The following TRAPPC9 variants were observed in gnomAD, a reference collection of about 807,000 sequenced individuals.
TRAPPC9 encodes trafficking protein particle complex subunit 9, also known as IKK2 binding protein.
TRAPPC9 carries 83 observed loss-of-function variants against 124.0 expected under a neutral mutation model. The observed-to-expected ratio is 0.67, with a 90% CI of 0.56 to 0.80. The LOEUF (loss-of-function observed/expected upper bound fraction) is 0.80. Ranked by LOEUF, TRAPPC9 falls within the 30% of genes least tolerant of loss-of-function variation. The probability of loss-of-function intolerance (pLI) is 0.00; values close to 1 mark genes in which losing one functional copy is unlikely to be tolerated. For missense variants in TRAPPC9, 1,302 were observed against 1,508.3 expected (o/e 0.86, Z 2.27); for synonymous variants, 638 against 617.5 (o/e 1.03, Z -0.49).
intron 19 of TRAPPC9, among the ~76,000 whole-genome samples, chr8:139,927,265 T>A (rs1046068756): frequency 2.0e-5 from 3 of 149,844 alleles, no homozygotes; most frequent in African/African-American, 4.9e-5. Flanking sequence ...TTTTTTTTTT[T>A]AGACAGTCTC....
At chr8:139,827,184 C>T (rs1368522168) in intron 21 of TRAPPC9, among the ~76,000 whole-genome samples, 2 of 152,244 alleles carry the variant, frequency 1.3e-5, no homozygotes, top group African/African-American at 4.8e-5. Flanking sequence ...GAAGCGCCTA[C>T]AGCAGGTCTC....
chr8:140,263,317 G>A (rs1362743706), intron 15 of TRAPPC9, among the ~76,000 whole-genome samples: 8 of 152,092 alleles, frequency 5.3e-5, no homozygotes, highest in Non-Finnish European at 7.4e-5. Flanking sequence ...TCAGAGCTCC[G>A]GGAGGACAGG....
intron 7 of TRAPPC9, among the ~76,000 whole-genome samples, chr8:140,395,271 G>T (rs1346019573): frequency 6.6e-6 from 1 of 152,248 alleles, no homozygotes; most frequent in South Asian, 2.1e-4. Flanking sequence ...CTCTGTTCTG[G>T]TCGCTCCCTT....
chr8:140,346,374 G>A (rs1298546915), intron 9 of TRAPPC9, among the ~76,000 whole-genome samples: 2 of 152,182 alleles, frequency 1.3e-5, no homozygotes, highest in East Asian at 3.9e-4. Flanking sequence ...CAGAAAGGAT[G>A]TAAAGGGAGC....
At chr8:139,895,594 T>G (rs2131183111) in intron 20 of TRAPPC9, among the ~76,000 whole-genome samples, 1 of 152,310 alleles carries the variant, frequency 6.6e-6, no homozygotes, top group South Asian at 2.1e-4. Flanking sequence ...TAAACAATAA[T>G]GTGCCCTTGG....
Position 139,730,896 on chromosome 8 carries a change from C to T in TRAPPC9, c.*165G>A, listed in dbSNP as rs117443048. The stretch of plus-strand genomic sequence containing the variant: ...TGCCATGTCCGGGGCTTCTGCGTAG[C>T]CCAGCAAAGATGCTACAGGAGGAAC... On this transcript the variant is annotated 3_prime_UTR_variant, in exon 23 of 23. Transcript: ENST00000438773. 3.9e-6 allele frequency: 3 copies of T among 771,216 alleles called. No homozygotes were observed. The highest frequency in any genetic ancestry group is 2.7e-5 in the East Asian group (1 of 37,176). 47.8% of individuals were successfully genotyped at this position (771,216 alleles called of 1,614,324 possible).
intron 21 of TRAPPC9, among the ~76,000 whole-genome samples, chr8:139,758,965 C>T (rs1238258368): frequency 6.6e-6 from 1 of 152,204 alleles, no homozygotes; most frequent in East Asian, 1.9e-4. Context: ...CAGCCCTGGC[C>T]TCCCTGGCAC....
chr8:140,026,893 G>A (rs1236773887), intron 17 of TRAPPC9, among the ~76,000 whole-genome samples: 5 of 151,864 alleles, frequency 3.3e-5, no homozygotes, highest in African/African-American at 4.8e-5. Flanking sequence ...AATATTCAAG[G>A]ATCATATTTT....
At chr8:140,244,840 C>T (rs2063942408) in intron 16 of TRAPPC9, among the ~76,000 whole-genome samples, 1 of 132,166 alleles carries the variant, frequency 7.6e-6, no homozygotes, top group Admixed American at 8.5e-5. Flanking sequence ...CAGAGTTTCG[C>T]TCTGACACCA....
chr8:140,420,845 T>C (rs1341236962), intron 5 of TRAPPC9, among the ~76,000 whole-genome samples: 2 of 152,186 alleles, frequency 1.3e-5, no homozygotes, highest in East Asian at 3.9e-4. Context: ...AACAAATTCA[T>C]TTTCAAAAGT....
At chr8:140,033,666 T>TC (rs1563706638) in intron 17 of TRAPPC9, among the ~76,000 whole-genome samples, 1 of 65,976 alleles carries the variant, frequency 1.5e-5, no homozygotes, top group Admixed American at 1.4e-4. Flanking sequence ...TGGTTTTTTT[T>TC]TTTTTTTTTT....
At chr8:140,288,960 G>A (rs1263174224) in intron 12 of TRAPPC9, among the ~76,000 whole-genome samples, 2 of 152,174 alleles carry the variant, frequency 1.3e-5, no homozygotes, top group Non-Finnish European at 2.9e-5. Flanking sequence ...ACAGGACTGA[G>A]CATCTAAGTA....
chr8:139,779,325 C>T lies in TRAPPC9; in HGVS notation c.3056-47123G>A, dbSNP rs184584187. Among the ~76,000 whole-genome samples, 342 of 152,254 alleles carry T rather than the reference C, an allele frequency of 2.2e-3. 2 individuals are homozygous for T. Among genetic ancestry groups the T allele is most frequent in the African/African-American group, 7.1e-3 (296 of 41,548 alleles). ...CAGAAATACAAAAGCAGAAGGCATT[C>T]AGCAGCAGCAGACTCGCATTATCAG... On this transcript the variant is annotated intron_variant, in intron 21 of 22. Coordinates refer to ENST00000438773, the MANE Select transcript of TRAPPC9 (RefSeq NM_001160372.4).
At chr8:140,429,304 C>T (rs929103670) in intron 4 of TRAPPC9, among the ~76,000 whole-genome samples, 11 of 151,914 alleles carry the variant, frequency 7.2e-5, no homozygotes, top group African/African-American at 2.7e-4. Flanking sequence ...ATTGGCCAGG[C>T]TGGTCTTGAA....
intron 21 of TRAPPC9, among the ~76,000 whole-genome samples, chr8:139,846,663 C>T (rs575351591): frequency 2.0e-5 from 3 of 152,344 alleles, no homozygotes; most frequent in Admixed American, 6.5e-5. Flanking sequence ...CGATGCTAGC[C>T]GCATTGGAAG....
intron 7 of TRAPPC9, among the ~76,000 whole-genome samples, chr8:140,371,796 C>T (rs903272896): frequency 1.3e-5 from 2 of 152,188 alleles, no homozygotes; most frequent in South Asian, 2.1e-4. Context: ...CTCCACCTCC[C>T]GGGTTCAAGA....
chr8:139,805,260 G>C (rs370585255), intron 21 of TRAPPC9, among the ~76,000 whole-genome samples: 1 of 152,216 alleles, frequency 6.6e-6, no homozygotes, highest in Non-Finnish European at 1.5e-5. Flanking sequence ...CTAGCGTGGC[G>C]TGAGGTGTGC....
At chr8:140,183,320 C>T (rs1563825156) in intron 17 of TRAPPC9, among the ~76,000 whole-genome samples, 1 of 152,130 alleles carries the variant, frequency 6.6e-6, no homozygotes, top group Admixed American at 6.5e-5. Flanking sequence ...CTCTACAACC[C>T]CAGCTCCTGA....
intron 7 of TRAPPC9, among the ~76,000 whole-genome samples, chr8:140,387,335 T>C (rs962498009): frequency 1.3e-5 from 2 of 152,070 alleles, no homozygotes; most frequent in Admixed American, 6.6e-5. Context: ...ATGTCTAAAA[T>C]ACCAAAAGCA....
Sources: gnomAD v4.1 joint callset for allele counts (sites outside exome capture counted in the v4.1 genomes callset) on GRCh38, gnomAD v4.1.1 for gene constraint, MANE v1.5 for transcripts, NCBI Gene and HGNC (gene_info 2026-07-23, HGNC 2026-07-21) for gene names.